The following SPTBN4 variants were observed in gnomAD, a reference collection of about 807,000 sequenced individuals.
SPTBN4 encodes the protein spectrin beta chain, non-erythrocytic 4.
Under a neutral mutation model 277.8 loss-of-function variants are expected in SPTBN4, and 96 were observed. The observed-to-expected ratio is 0.35, with a 90% CI of 0.29 to 0.41. The LOEUF (loss-of-function observed/expected upper bound fraction) is 0.41. Among genes scored for constraint, SPTBN4 ranks in the 10% least tolerant of loss-of-function variants. The probability of loss-of-function intolerance (pLI) is 1.00; values close to 1 mark genes in which losing one functional copy is unlikely to be tolerated. For synonymous variants in SPTBN4, 1,481 were observed against 1,580.3 expected (o/e 0.94, Z 1.49); for missense variants, 3,006 against 3,595.7 (o/e 0.84, Z 4.19).
chr19:40,573,492 T>C (rs193077475), intron 35 of SPTBN4, among the ~76,000 whole-genome samples: 1 of 152,292 alleles, frequency 6.6e-6, no homozygotes, highest in East Asian at 1.9e-4. Context: ...TTGGATTTTT[T>C]ACCTAAGGGC....
chr19:40,478,344 T>A (rs2079971587), intron 2 of SPTBN4, among the ~76,000 whole-genome samples: 1 of 151,694 alleles, frequency 6.6e-6, no homozygotes, highest in South Asian at 2.1e-4. Flanking sequence ...TCCTCTCCAG[T>A]TTGGGCAACA....
In SPTBN4 at chr19:40,554,136, C is replaced by T; in HGVS notation, c.4675-11C>T. 1.4e-6 allele frequency: 2 copies of T among 1,436,602 alleles called. No individual in the cohort carries two copies. The highest frequency in any genetic ancestry group is 9.0e-7 in the Non-Finnish European group (1 of 1,110,868). 89.0% of individuals were successfully genotyped at this position (1,436,602 alleles called of 1,614,324 possible). On this transcript the variant is annotated splice_polypyrimidine_tract_variant and intron_variant, in intron 22 of 35. Transcript: ENST00000598249. The surrounding 1 kb of genome is among the most constrained non-coding windows in gnomAD (Gnocchi z 5.7). ...CCTCTCCACCCACATCCCCTTACCTCCTGCCCCCAGGGCCTGCGGCGGGAG... is the reference window on the plus strand; with the variant it reads ...CCTCTCCACCCACATCCCCTTACCTTCTGCCCCCAGGGCCTGCGGCGGGAG...
chr19:40,554,730 T>G lies in SPTBN4; in HGVS notation c.5084+84T>G, dbSNP rs1329649599. On this transcript the variant is annotated intron_variant, in intron 24 of 35. Coordinates refer to ENST00000598249, the MANE Select transcript of SPTBN4 (RefSeq NM_020971.3). The surrounding 1 kb of genome is among the most constrained non-coding windows in gnomAD (Gnocchi z 5.7). ...TTGGGAGTTGGCGCAGCGCTGGAAT[T>G]GGACGTTGGGTGGGAGAGGTCCTCC... 1.3e-6 allele frequency: 2 copies of G among 1,545,708 alleles called. No homozygotes were observed. Among genetic ancestry groups the G allele is most frequent in the Admixed American group, 3.9e-5 (2 of 51,252 alleles).
At position 40,492,041 on chromosome 19, in the gene SPTBN4, CA is replaced by C. The variant is rs56708259; in HGVS notation, c.496-911del. Among the ~76,000 whole-genome samples the C allele has an allele frequency of 2.7e-4, 38 of 139,766 alleles. 1 individual carries two copies. Among genetic ancestry groups the C allele is most frequent in the Middle Eastern group, 3.6e-3 (1 of 276 alleles). 91.7% of individuals were successfully genotyped at this position (139,766 alleles called of 152,430 possible). A position where few individuals can be genotyped will look rare whatever the true frequency, so the allele number is the denominator to read the frequency against. The stretch of plus-strand genomic sequence containing the variant: ...CCATCTAAAAAAAACAAAAACAAAA[CA>C]AAAAAAAAAACAAAGAAAGATCCCT... On this transcript the variant is annotated intron_variant, in intron 4 of 35. Coordinates refer to ENST00000598249, the MANE Select transcript of SPTBN4 (RefSeq NM_020971.3).
rs2081117498 is a variant in SPTBN4 at position 40,568,291 on chromosome 19, C to T, written c.6956+9C>T. 6.3e-7 allele frequency: 1 copy of T among 1,593,788 alleles called. No homozygotes were observed. The highest frequency in any genetic ancestry group is 8.5e-7 in the Non-Finnish European group (1 of 1,170,354). On this transcript the variant is annotated intron_variant, in intron 31 of 35. Transcript: ENST00000598249. Reference sequence around the variant, plus strand: ...GGAGACCTGGTCAAGGGGTGAGGTGCCCGCCTTATGACCAGAAAGTGAGGG... The same window carrying T: ...GGAGACCTGGTCAAGGGGTGAGGTGTCCGCCTTATGACCAGAAAGTGAGGG...
At position 40,519,852 on chromosome 19, in the gene SPTBN4, C is replaced by G. The variant is rs1363111491; in HGVS notation, c.3355C>G (p.Pro1119Ala). ...EAAGGSEGPL[P>A]NSLEEADALL... ...GGCGGGCGGCAGCGAGGGGCCCCTG[C>G]CCAACAGCCTAGAAGAGGCGGACGC... Residue 1119 changes from proline to alanine, a missense_variant, in exon 16 of 36, where the codon CCC (proline) becomes GCC (alanine). Pro to Ala is a conservative substitution (Grantham distance 27). Transcript: ENST00000598249. The surrounding 1 kb of genome is among the most constrained non-coding windows in gnomAD (Gnocchi z 5.7). The G allele has an allele frequency of 6.9e-7, 1 of 1,457,042 alleles. No homozygotes were observed. Among genetic ancestry groups the G allele is most frequent in the Non-Finnish European group, 8.9e-7 (1 of 1,117,714 alleles). The allele number at this position is 1,457,042 out of a possible 1,614,324, so 90.3% of individuals were successfully genotyped here.
At chr19:40,484,041 C>T (rs1055314077) in intron 2 of SPTBN4, among the ~76,000 whole-genome samples, 9 of 151,974 alleles carry the variant, frequency 5.9e-5, no homozygotes, top group African/African-American at 1.4e-4. Flanking sequence ...CTTACATCAC[C>T]GCACTCCAGC....
intron 13 of SPTBN4, among the ~76,000 whole-genome samples, chr19:40,511,018 AAAAT>A (rs567401157): frequency 1.3e-5 from 2 of 151,994 alleles, no homozygotes; most frequent in African/African-American, 2.4e-5. Flanking sequence ...CCCTATCTCT[AAAAT>A]AAATAAATAA....
chr19:40,503,886 G>A lies in SPTBN4; in HGVS notation c.1419G>A (p.Ala473=), dbSNP rs369993014. 1.7e-5 allele frequency: 27 copies of A among 1,610,234 alleles called. No homozygotes were observed. In the African/African-American group the frequency reaches 2.1e-4, roughly 13 times the overall value. ...AGGCAGCCATGAAGAAACACGAAGC[G>A]ATCGAGGCAGACATTGCGGCCTACG... is the stretch of plus-strand genomic sequence containing the variant. ...AVEAAMKKHE[A]IEADIAAYEE... is the part of the protein sequence containing the mutation. Residue 473 remains alanine, a synonymous_variant, in exon 12 of 36, where the codon GCG becomes GCA. Coordinates refer to ENST00000598249, the MANE Select transcript of SPTBN4 (RefSeq NM_020971.3).
In SPTBN4 at chr19:40,502,156, A is replaced by G. The variant is rs1270472334; in HGVS notation, c.926A>G (p.Lys309Arg). Residue 309 changes from lysine to arginine, a missense_variant, in exon 9 of 36, where the codon AAG (lysine) becomes AGG (arginine). This residue lies in a region of SPTBN4 where 1,759 missense variants were observed against 2,061.5 expected (regional missense o/e 0.85). Transcript: ENST00000598249. This position sits in a 1 kb window ranked among gnomAD's most constrained non-coding sequence, Gnocchi z 4.9. ...TTGGACCAGGTATTGGAGGTGGGGA[A>G]GATCATAGAACGCTACGAGGAGCTG... ...KVLDQVLEVG[K>R]IIERYEELAA... The G allele has an allele frequency of 6.2e-7, 1 of 1,613,828 alleles. No homozygotes were observed. The highest frequency in any genetic ancestry group is 8.5e-7 in the Non-Finnish European group (1 of 1,179,922).
At chr19:40,530,179 G>C (rs937288154) in intron 18 of SPTBN4, among the ~76,000 whole-genome samples, 3 of 152,224 alleles carry the variant, frequency 2.0e-5, no homozygotes, top group Admixed American at 6.5e-5. Context: ...TGGTTCAGGA[G>C]GCCCCCACCC....
chr19:40,563,857 A>G (rs1011082925), intron 27 of SPTBN4, among the ~76,000 whole-genome samples: 3 of 151,764 alleles, frequency 2.0e-5, no homozygotes, highest in Admixed American at 6.6e-5. Flanking sequence ...CCTGGCCAAC[A>G]TGCCAAAAAT....
At chr19:40,531,015 G>A (rs1599771621) in intron 18 of SPTBN4, among the ~76,000 whole-genome samples, 3 of 151,354 alleles carry the variant, frequency 2.0e-5, no homozygotes, top group Admixed American at 6.6e-5. Context: ...ATCAGCCTTG[G>A]ATGATGGAGG....
chr19:40,502,839 G>T lies in SPTBN4; in HGVS notation c.1268G>T (p.Arg423Leu). ...REAALRAELI[R>L]QEKLELLAQR... ...GCTGCCCTACGGGCTGAGCTGATTCGGCAGGAGAAGCTGGAACTACTGGCA... is the reference window on the plus strand; with the variant it reads ...GCTGCCCTACGGGCTGAGCTGATTCTGCAGGAGAAGCTGGAACTACTGGCA... The change falls in exon 11 of 36, where the codon CGG (arginine) becomes CTG (leucine). Residue 423 changes from arginine to leucine, a missense_variant. Physicochemically the swap from Arg to Leu is moderately radical, Grantham distance 102. Around this residue, in one of 5 missense-constraint regions of SPTBN4, gnomAD observed 1,759 missense variants for 2,061.5 expected, o/e 0.85. Transcript: ENST00000598249. The surrounding 1 kb of genome is among the most constrained non-coding windows in gnomAD (Gnocchi z 4.9). The T allele has an allele frequency of 3.1e-6, 5 of 1,613,892 alleles. No homozygotes were observed. In the South Asian group the frequency reaches 4.4e-5, roughly 14 times the overall value.
At chr19:40,524,004 T>C (rs1341024382) in intron 17 of SPTBN4, among the ~76,000 whole-genome samples, 1 of 152,164 alleles carries the variant, frequency 6.6e-6, no homozygotes, top group Non-Finnish European at 1.5e-5. Flanking sequence ...GGTTTCACCA[T>C]GTTGGCCAGA....
intron 27 of SPTBN4, among the ~76,000 whole-genome samples, chr19:40,563,289 C>G (rs2081061364): frequency 6.6e-6 from 1 of 151,948 alleles, no homozygotes; most frequent in South Asian, 2.1e-4. Flanking sequence ...GAGGCTAAGC[C>G]AGGATGATCA....
intron 7 of SPTBN4, 89 bp downstream of exon 7, chr19:40,497,693 C>A: frequency 3.7e-6 from 4 of 1,066,842 alleles, no homozygotes; most frequent in Non-Finnish European, 5.7e-6. Context: ...CCCACCCCAG[C>A]ACCATCCCAA....
At chr19:40,494,743 C>T (rs1350348178) in intron 5 of SPTBN4, among the ~76,000 whole-genome samples, 154 bp from the exon 6 acceptor site, 3 of 152,020 alleles carry the variant, frequency 2.0e-5, no homozygotes, top group Non-Finnish European at 2.9e-5. Context: ...CTCTCTCTAC[C>T]TACCCAACAC....
In SPTBN4 at chr19:40,557,075, G is replaced by A. The variant is rs947704925; in HGVS notation, c.5342G>A (p.Arg1781Gln). ...GCCAGCGAGACAGGTATGGCAGGGCGGGAACGGCTGGCAGCTGTGAACCAG... is the reference window on the plus strand; with the variant it reads ...GCCAGCGAGACAGGTATGGCAGGGCAGGAACGGCTGGCAGCTGTGAACCAG... ...EFASETGMAG[R>Q]ERLAAVNQMV... The change falls in exon 26 of 36, where the codon CGG (arginine) becomes CAG (glutamine). Residue 1781 changes from arginine (R) to glutamine (Q), a missense_variant. Around this residue, in one of 5 missense-constraint regions of SPTBN4, gnomAD observed 425 missense variants for 594.7 expected, o/e 0.71. Transcript: ENST00000598249. 1.8e-5 allele frequency: 28 copies of A among 1,582,980 alleles called. No individual in the cohort carries two copies. The highest frequency in any genetic ancestry group is 2.3e-5 in the East Asian group (1 of 43,882).
Sources: allele counts gnomAD v4.1 joint callset (sites outside exome capture counted in the v4.1 genomes callset), GRCh38; gene constraint gnomAD v4.1.1; regional missense constraint gnomAD v4.1.1; non-coding constraint Gnocchi (gnomAD v3.1); transcripts MANE v1.5; gene names NCBI Gene and HGNC (gene_info 2026-07-23, HGNC 2026-07-21).